CAMK1D: variants seen among roughly 807,000 people sequenced by gnomAD.
The protein encoded by CAMK1D is calcium/calmodulin dependent protein kinase ID, also known as calcium/calmodulin-dependent protein kinase type 1D.
CAMK1D carries 9 observed loss-of-function variants against 47.7 expected under a neutral mutation model. That is an observed-to-expected ratio of 0.19 (90% CI 0.11 to 0.33). CAMK1D has a LOEUF of 0.33. CAMK1D is among the 10% of genes least tolerant of loss of function. The pLI is 1.00. For missense variants in CAMK1D, 291 were observed against 488.7 expected, an observed-to-expected ratio of 0.60 and a Z score of 3.81; for synonymous variants, 184 against 184.9, an observed-to-expected ratio of 0.99 and a Z score of 0.04.
chr10:12,690,804 T>C (rs149152595), intron 3 of CAMK1D, among the ~76,000 whole-genome samples: 51 of 152,224 alleles, frequency 3.4e-4, no homozygotes, highest in Non-Finnish European at 5.9e-4. Flanking sequence ...TTGGGGGCAG[T>C]TGGGAAAGTT....
Position 12,769,684 on chromosome 10 carries a change from C to G in CAMK1D, c.450C>G (p.Leu150=), listed in dbSNP as rs777447571. The G allele has an allele frequency of 7.4e-6, 12 of 1,613,994 alleles. No individual in the cohort carries two copies. In the Admixed American group the frequency reaches 8.3e-5, roughly 11 times the overall value. Residue 150 remains leucine, a synonymous_variant, in exon 5 of 11, where the codon CTC becomes CTG. Coordinates refer to ENST00000619168, the MANE Select transcript of CAMK1D (RefSeq NM_153498.4). ...TATTTTCTTTCTAGCCCGAAAATCT[C>G]TTGTACTACAGTCAAGATGAGGAGT... ...IVHRDLKPEN[L]LYYSQDEESK...
At chr10:12,422,315 G>T (rs900363992) in intron 1 of CAMK1D, among the ~76,000 whole-genome samples, 4 of 152,210 alleles carry the variant, frequency 2.6e-5, no homozygotes, top group Admixed American at 6.5e-5. Context: ...GTGTGTAACA[G>T]GAGGAACAAA....
chr10:12,612,045 C>G (rs1564444355), intron 2 of CAMK1D, among the ~76,000 whole-genome samples: 1 of 152,194 alleles, frequency 6.6e-6, no homozygotes, highest in Non-Finnish European at 1.5e-5. Context: ...AAAAAGCACT[C>G]CCTCTTAGGA....
chr10:12,368,161 C>A (rs35884412), intron 1 of CAMK1D, among the ~76,000 whole-genome samples: 2 of 149,952 alleles, frequency 1.3e-5, no homozygotes, highest in South Asian at 4.2e-4. Flanking sequence ...CACTGCAGTC[C>A]GCAGTCCGGC....
At chr10:12,646,607 C>A (rs751015678) in intron 2 of CAMK1D, among the ~76,000 whole-genome samples, 2 of 152,018 alleles carry the variant, frequency 1.3e-5, no homozygotes, top group Non-Finnish European at 2.9e-5. Flanking sequence ...GGATAATAGA[C>A]CCCTCCCCTA....
chr10:12,737,598 C>T (rs1477827819), intron 3 of CAMK1D, among the ~76,000 whole-genome samples: 1 of 152,170 alleles, frequency 6.6e-6, no homozygotes, highest in Non-Finnish European at 1.5e-5. Flanking sequence ...CCTCTTACTT[C>T]TGCCTGTGAC....
chr10:12,373,956 C>CAAAAAA (rs35008954), intron 1 of CAMK1D, among the ~76,000 whole-genome samples: 3 of 86,116 alleles, frequency 3.5e-5, no homozygotes, highest in South Asian at 4.2e-4. Context: ...CACTCTTTAT[C>CAAAAAA]AAAAAAAAAA....
intron 3 of CAMK1D, among the ~76,000 whole-genome samples, chr10:12,750,628 C>T (rs1835898488): frequency 6.6e-6 from 1 of 151,868 alleles, no homozygotes; most frequent in Admixed American, 6.6e-5. Context: ...AAGGGTACAA[C>T]ATGCAAACCG....
intron 2 of CAMK1D, among the ~76,000 whole-genome samples, chr10:12,607,264 GC>G (rs1324830726): frequency 6.6e-6 from 1 of 152,042 alleles, no homozygotes; most frequent in Non-Finnish European, 1.5e-5. Flanking sequence ...TTCCAACTGG[GC>G]TTTAAAGCCA....
rs899560198 is a variant in CAMK1D, at chr10:12,579,140, G to A, written c.224+25784G>A. Among the ~76,000 whole-genome samples, 5 of 152,222 alleles carry A rather than the reference G, an allele frequency of 3.3e-5. No homozygotes were observed. In the East Asian group the frequency reaches 7.7e-4, roughly 24 times the overall value. ...GGGTGTGGGAGCGCGAGGAGTCCTC[G>A]GAAGGCGCCTGAGTGAGGCTGTGGG... On this transcript the variant is annotated intron_variant, in intron 2 of 10. Coordinates refer to ENST00000619168, the MANE Select transcript of CAMK1D (RefSeq NM_153498.4).
chr10:12,588,411 T>C (rs954118583), intron 2 of CAMK1D, among the ~76,000 whole-genome samples: 4 of 152,244 alleles, frequency 2.6e-5, no homozygotes, highest in Non-Finnish European at 4.4e-5. Flanking sequence ...CCATGAGAGT[T>C]TGCTGGAAAA....
Position 12,829,236 on chromosome 10 carries a change from C to CA in CAMK1D, c.*360dup, listed in dbSNP as rs199693914. The CA allele has an allele frequency of 5.5e-3, 832 of 151,886 alleles. No homozygotes were observed. Among genetic ancestry groups the CA allele is most frequent in the Middle Eastern group, 0.015 (5 of 334 alleles). 9.4% of individuals were successfully genotyped at this position (151,886 alleles called of 1,614,324 possible). ...CTATGGTGTGTTTTTTCATTAATGA[C>CA]AAAAAAAAAAAGGTTTCAACTGGAT... On this transcript the variant is annotated 3_prime_UTR_variant, in exon 11 of 11. Coordinates refer to ENST00000619168, the MANE Select transcript of CAMK1D (RefSeq NM_153498.4).
intron 3 of CAMK1D, among the ~76,000 whole-genome samples, chr10:12,689,075 G>A (rs1019060442): frequency 2.0e-5 from 3 of 152,198 alleles, no homozygotes; most frequent in Non-Finnish European, 2.9e-5. Flanking sequence ...GCTTAGCAGC[G>A]GGAGGATGGT....
chr10:12,788,214 G>T (rs1837819116), intron 5 of CAMK1D, among the ~76,000 whole-genome samples: 1 of 29,208 alleles, frequency 3.4e-5, no homozygotes, highest in South Asian at 6.3e-3. Flanking sequence ...TTTAGAGATG[G>T]GGCCTCACTC....
chr10:12,391,311 G>A (rs979503456), intron 1 of CAMK1D, among the ~76,000 whole-genome samples: 2 of 152,112 alleles, frequency 1.3e-5, no homozygotes, highest in Admixed American at 1.3e-4. Flanking sequence ...ACTTTCCAGG[G>A]GATTGTCTGT....
chr10:12,376,332 G>A (rs529832731), intron 1 of CAMK1D, among the ~76,000 whole-genome samples: 33 of 152,118 alleles, frequency 2.2e-4, no homozygotes, highest in South Asian at 1.2e-3. Flanking sequence ...ACTGGCCTCC[G>A]GTCACGTGAC....
chr10:12,382,837 A>G (rs546608979), intron 1 of CAMK1D, among the ~76,000 whole-genome samples: 1 of 152,252 alleles, frequency 6.6e-6, no homozygotes, highest in Non-Finnish European at 1.5e-5. Flanking sequence ...ACAAACAAAC[A>G]AACAAACATG....
intron 1 of CAMK1D, among the ~76,000 whole-genome samples, chr10:12,364,603 G>A (rs1837779881): frequency 6.8e-6 from 1 of 146,544 alleles, no homozygotes; most frequent in South Asian, 2.1e-4. Context: ...GGATAGAGAA[G>A]TACTGACTGA....
intron 5 of CAMK1D, among the ~76,000 whole-genome samples, chr10:12,789,983 C>T (rs1043729177): frequency 9.9e-5 from 15 of 152,248 alleles, no homozygotes; most frequent in South Asian, 2.1e-4. Flanking sequence ...CTATGCCAGA[C>T]GCTGCTGGTC....
Sources: allele counts gnomAD v4.1 joint callset (sites outside exome capture counted in the v4.1 genomes callset), GRCh38; gene constraint gnomAD v4.1.1; transcripts MANE v1.5; gene names NCBI Gene and HGNC (gene_info 2026-07-23, HGNC 2026-07-21).